The following ERC1 variants were observed in gnomAD, a reference collection of about 807,000 sequenced individuals.
ERC1 encodes ELKS/RAB6-interacting/CAST family member 1, also known as RAB6 interacting protein 2.
ERC1 carries 56 observed loss-of-function variants against 132.0 expected under a neutral mutation model. The observed-to-expected ratio is 0.42, with a 90% CI of 0.34 to 0.53. The LOEUF is 0.53. Among genes scored for constraint, ERC1 ranks in the 20% least tolerant of loss-of-function variants. ERC1 has a pLI of 0.03. For missense variants in ERC1, 1,202 were observed against 1,349.9 expected (o/e 0.89, Z 1.72); for synonymous variants, 478 against 476.1 (o/e 1.00, Z -0.05).
At chr12:1,204,472 T>A in intron 12 of ERC1, 1 of 1,572,824 alleles carries the variant, frequency 6.4e-7, no homozygotes, top group Non-Finnish European at 8.6e-7. Context: ...TTTTTCACAT[T>A]TTCTTCCTGG....
intron 17 of ERC1, chr12:1,443,408 T>C (rs901935444): frequency 3.3e-5 from 5 of 152,208 alleles, no homozygotes; most frequent in Non-Finnish European, 7.3e-5. Flanking sequence ...TCAGTGTTAC[T>C]GTGGAAAGTA....
intron 14 of ERC1, among the ~76,000 whole-genome samples, chr12:1,275,094 G>A (rs887018044): frequency 7.9e-5 from 12 of 152,194 alleles, no homozygotes; most frequent in Non-Finnish European, 1.0e-4. Context: ...GAATATATAG[G>A]ATAGTCATGT....
At chr12:1,483,862 T>C (rs1259278375) in intron 18 of ERC1, among the ~76,000 whole-genome samples, 1 of 151,846 alleles carries the variant, frequency 6.6e-6, no homozygotes, top group African/African-American at 2.4e-5. Context: ...GACCGATTTT[T>C]TTTGTATGTT....
At chr12:1,213,852 C>T (rs963314897) in intron 12 of ERC1, among the ~76,000 whole-genome samples, 2 of 151,436 alleles carry the variant, frequency 1.3e-5, no homozygotes, top group Admixed American at 6.6e-5. Context: ...TGCAGTGAGC[C>T]GAGATCACGC....
intron 3 of ERC1, among the ~76,000 whole-genome samples, chr12:1,085,082 ATTG>A (rs58595632): frequency 0.04 from 423 of 10,660 alleles, 1 homozygote; most frequent in Middle Eastern, 0.075. Context: ...TATTATTATT[ATTG>A]TTGTTGTTGT....
At chr12:1,055,524 A>T (rs893448889) in intron 2 of ERC1, among the ~76,000 whole-genome samples, 2 of 152,236 alleles carry the variant, frequency 1.3e-5, no homozygotes, top group African/African-American at 4.8e-5. Context: ...ATAGGCTTAC[A>T]CAATTAGTAT....
chr12:1,277,682 G>A (rs550083190), intron 14 of ERC1, among the ~76,000 whole-genome samples: 46 of 152,238 alleles, frequency 3.0e-4, no homozygotes, highest in Admixed American at 4.6e-4. Flanking sequence ...AAAATAGAGT[G>A]TTACGTTGGT....
intron 7 of ERC1, among the ~76,000 whole-genome samples, chr12:1,129,003 A>T (rs575609034): frequency 9.8e-5 from 15 of 152,288 alleles, no homozygotes; most frequent in Non-Finnish European, 1.3e-4. Context: ...CCCAACTTAT[A>T]TGTAGGAGTT....
chr12:1,166,010 A>G (rs1952390253), intron 8 of ERC1, among the ~76,000 whole-genome samples: 1 of 152,146 alleles, frequency 6.6e-6, no homozygotes, highest in Admixed American at 6.5e-5. Context: ...CCTATACTGG[A>G]TGAGACCTTC....
intron 12 of ERC1, among the ~76,000 whole-genome samples, chr12:1,232,506 T>C (rs2075121210): frequency 2.0e-5 from 3 of 152,210 alleles, no homozygotes; most frequent in African/African-American, 7.2e-5. Flanking sequence ...CTTTTCTCTT[T>C]AGTTTCTCTA....
At chr12:1,093,359 T>TG (rs1943498251) in intron 3 of ERC1, among the ~76,000 whole-genome samples, 1 of 152,198 alleles carries the variant, frequency 6.6e-6, no homozygotes, top group Non-Finnish European at 1.5e-5. Context: ...GGACATCTCT[T>TG]GGACAAATGC....
At chr12:1,184,490 T>C (rs1954850604) in intron 11 of ERC1, among the ~76,000 whole-genome samples, 1 of 152,228 alleles carries the variant, frequency 6.6e-6, no homozygotes, top group Non-Finnish European at 1.5e-5. Context: ...GTATTATTAG[T>C]GTTCTAATTT....
intron 2 of ERC1, among the ~76,000 whole-genome samples, chr12:1,029,884 A>G (rs1967672596): frequency 6.6e-6 from 1 of 150,722 alleles, no homozygotes; most frequent in Non-Finnish European, 1.5e-5. Flanking sequence ...AGTAGCTGGG[A>G]TTACAGGTGC....
At chr12:1,138,607 A>AT (rs1365572910) in intron 7 of ERC1, among the ~76,000 whole-genome samples, 2 of 151,734 alleles carry the variant, frequency 1.3e-5, no homozygotes, top group Non-Finnish European at 2.9e-5. Context: ...CAGTAGGCAG[A>AT]TTTTTTTTAA....
chr12:1,271,130 TTG>T (rs1594692437), intron 14 of ERC1, among the ~76,000 whole-genome samples: 2 of 152,022 alleles, frequency 1.3e-5, no homozygotes, highest in Non-Finnish European at 2.9e-5. Flanking sequence ...CTCAGTATGT[TTG>T]TGAGCAGAAA....
chr12:1,032,346 G>C (rs1288442626), intron 2 of ERC1, among the ~76,000 whole-genome samples: 2 of 152,212 alleles, frequency 1.3e-5, no homozygotes, highest in African/African-American at 4.8e-5. Context: ...ACTGCGCCGG[G>C]TGTAAATCTA....
chr12:1,289,067 CCTTT>C lies in ERC1; in HGVS notation c.2620-782_2620-779del, dbSNP rs533082877. Among the ~76,000 whole-genome samples the C allele has an allele frequency of 6.1e-3, 846 of 138,240 alleles. 3 individuals are homozygous for C. The highest frequency in any genetic ancestry group is 0.037 in the Middle Eastern group (10 of 270). 90.7% of individuals were successfully genotyped at this position (138,240 alleles called of 152,430 possible). ...ATGTCATTTTTAAAGCATTCTGTCT[CCTTT>C]CTATCTGGTATGTACACACACACAC... On this transcript the variant is annotated intron_variant, in intron 14 of 18. Transcript: ENST00000360905.
chr12:1,323,892 C>A (rs557697222), intron 15 of ERC1, among the ~76,000 whole-genome samples: 1 of 152,200 alleles, frequency 6.6e-6, no homozygotes, highest in East Asian at 1.9e-4. Context: ...AACATCTTCA[C>A]CCGTTTTACC....
intron 12 of ERC1, 124 bp from the exon 13 acceptor site, chr12:1,236,645 G>T (rs2075432789): frequency 1.1e-5 from 10 of 912,420 alleles, no homozygotes; most frequent in South Asian, 2.3e-5. Context: ...GAAAAATTTC[G>T]CAGCATGTAT....
Sources: allele counts gnomAD v4.1 joint callset (sites outside exome capture counted in the v4.1 genomes callset), GRCh38; gene constraint gnomAD v4.1.1; transcripts MANE v1.5; gene names NCBI Gene and HGNC (gene_info 2026-07-23, HGNC 2026-07-21).